The following SLC5A1 variants were observed in gnomAD, a reference collection of about 807,000 sequenced individuals.
The protein encoded by SLC5A1 is solute carrier family 5 member 1.
A neutral mutation model predicts 73.5 loss-of-function variants in SLC5A1; 42 were observed. The ratio of observed to expected loss-of-function variants is 0.57; its 90% CI spans 0.45 to 0.74. The LOEUF (loss-of-function observed/expected upper bound fraction) is 0.74, where lower values mean the gene tolerates loss of function less well. SLC5A1 is among the 30% of genes least tolerant of loss of function. The pLI, the probability that SLC5A1 is intolerant of heterozygous loss-of-function variation, is 0.00. For synonymous variants in SLC5A1, 300 were observed against 317.4 expected, an observed-to-expected ratio of 0.95 and a Z score of 0.58; for missense variants, 634 against 855.4, an observed-to-expected ratio of 0.74 and a Z score of 3.23.
At position 32,110,405 on chromosome 22, in the gene SLC5A1, G is replaced by C; in HGVS notation, c.*192G>C. The C allele has an allele frequency of 1.6e-6, 1 of 641,942 alleles. No individual in the cohort carries two copies. 39.8% of individuals were successfully genotyped at this position (641,942 alleles called of 1,614,324 possible). ...GTTAATTTATGCATTTGAAGCCAGTGTGATACAGCCATCTGTACCTACTGG... is the reference window on the plus strand; with the variant it reads ...GTTAATTTATGCATTTGAAGCCAGTCTGATACAGCCATCTGTACCTACTGG... On this transcript the variant is annotated 3_prime_UTR_variant, in exon 15 of 15. Coordinates refer to ENST00000266088, the MANE Select transcript of SLC5A1 (RefSeq NM_000343.4).
At chr22:32,088,125 A>G (rs922599424) in intron 10 of SLC5A1, among the ~76,000 whole-genome samples, 1 of 152,156 alleles carries the variant, frequency 6.6e-6, no homozygotes, top group African/African-American at 2.4e-5. Flanking sequence ...TCTTCTAGAA[A>G]AGTTCTGGCA....
At chr22:32,095,079 A>T (rs2094024120) in intron 11 of SLC5A1, among the ~76,000 whole-genome samples, 2 of 152,122 alleles carry the variant, frequency 1.3e-5, no homozygotes, top group South Asian at 4.1e-4. Context: ...TAAAATTTCC[A>T]TCTTGATTTC....
intron 13 of SLC5A1, among the ~76,000 whole-genome samples, chr22:32,103,004 G>C (rs1449579163): frequency 3.3e-5 from 5 of 152,040 alleles, no homozygotes; most frequent in African/African-American, 1.2e-4. Flanking sequence ...CCATATCTTG[G>C]CTACTGTGAA....
chr22:32,046,998 T>A (rs1333833265), intron 1 of SLC5A1, among the ~76,000 whole-genome samples: 1 of 152,192 alleles, frequency 6.6e-6, no homozygotes, highest in Non-Finnish European at 1.5e-5. Context: ...TTATGTGAAA[T>A]TAAAAATTTG....
intron 11 of SLC5A1, among the ~76,000 whole-genome samples, chr22:32,095,880 T>C (rs2094025476): frequency 6.6e-6 from 1 of 152,230 alleles, no homozygotes; most frequent in African/African-American, 2.4e-5. Flanking sequence ...TGAGGTACTA[T>C]TCCATTCATC....
rs117820069 is a variant in SLC5A1, at chr22:32,048,393, T to C, written c.136-1550T>C. ...ATCCCAAGGGATCTGTGGGAGGAGC[T>C]GGTCATCGTATATTGAAGATTCATG... On this transcript the variant is annotated intron_variant, in intron 1 of 14. Transcript: ENST00000266088. Among the ~76,000 whole-genome samples, 6 of 152,276 alleles carry C rather than the reference T, an allele frequency of 3.9e-5. No homozygotes were observed. The East Asian group carries it at 1.2e-3, about 29-fold the overall frequency.
At chr22:32,045,938 GGTTGTGAAA>G (rs1226873855) in intron 1 of SLC5A1, among the ~76,000 whole-genome samples, 3 of 152,114 alleles carry the variant, frequency 2.0e-5, no homozygotes, top group Non-Finnish European at 4.4e-5. Context: ...ACTTCTCAAG[GGTTGTGAAA>G]AAGAAATAAC....
chr22:32,059,138 G>A, intron 2 of SLC5A1: 34 of 985,428 alleles, frequency 3.5e-5, no homozygotes, highest in Non-Finnish European at 4.1e-5. Context: ...TTCCTCTTCT[G>A]AATTTCATGC....
At chr22:32,082,130 C>T (rs2094000995) in intron 6 of SLC5A1, among the ~76,000 whole-genome samples, 159 bp downstream of exon 6, 1 of 152,156 alleles carries the variant, frequency 6.6e-6, no homozygotes. Context: ...AACTCATAGA[C>T]CCTCCAAGTT....
chr22:32,079,627 C>T (rs1168790610), intron 5 of SLC5A1, among the ~76,000 whole-genome samples: 3 of 152,164 alleles, frequency 2.0e-5, no homozygotes, highest in Non-Finnish European at 4.4e-5. Context: ...AGTTTAAAGG[C>T]AGTGTCAGCT....
intron 14 of SLC5A1, among the ~76,000 whole-genome samples, chr22:32,108,429 G>T (rs1268913972): frequency 6.6e-6 from 1 of 152,098 alleles, no homozygotes; most frequent in Non-Finnish European, 1.5e-5. Context: ...GGCCCAGAAA[G>T]TCATGTATTT....
In SLC5A1 at chr22:32,044,413, G is replaced by A. The variant is rs571345284; in HGVS notation, c.135+997G>A. On this transcript the variant is annotated intron_variant, in intron 1 of 14. Coordinates refer to ENST00000266088, the MANE Select transcript of SLC5A1 (RefSeq NM_000343.4). The stretch of plus-strand genomic sequence containing the variant: ...AGGTGATAAGCCCAGGGAGGCTGCT[G>A]TAGCAGCTGGTGATTGTGTTGAACT... Among the ~76,000 whole-genome samples, 4 of 152,322 alleles carry A rather than the reference G, an allele frequency of 2.6e-5. No homozygotes were observed. The East Asian group carries it at 5.8e-4, about 22-fold the overall frequency.
chr22:32,104,793 G>A lies in SLC5A1; in HGVS notation c.1673G>A (p.Arg558His), dbSNP rs201799893. 2.9e-5 allele frequency: 47 copies of A among 1,613,610 alleles called. No homozygotes were observed. Among genetic ancestry groups the A allele is most frequent in the Admixed American group, 1.3e-4 (8 of 59,958 alleles). ...GTTCTGCCTTCTCTGCAGCTCTACC[G>A]TCTGTGTTGGAGCCTGCGCAACAGC... ...TKPIPDVHLY[R>H]LCWSLRNSKE... The change falls in exon 14 of 15, where the codon CGT (arginine) becomes CAT (histidine). Residue 558 changes from arginine (R) to histidine (H), a missense_variant. Coordinates refer to ENST00000266088, the MANE Select transcript of SLC5A1 (RefSeq NM_000343.4).
At chr22:32,091,304 C>T (rs1260499906) in intron 10 of SLC5A1, among the ~76,000 whole-genome samples, 1 of 65,152 alleles carries the variant, frequency 1.5e-5, no homozygotes, top group African/African-American at 6.4e-5. Flanking sequence ...CACAAACACA[C>T]ACACACACAC....
chr22:32,068,444 TG>T, intron 4 of SLC5A1, 51 bp from the exon 5 acceptor site: 1 of 1,071,642 alleles, frequency 9.3e-7, no homozygotes, highest in Non-Finnish European at 1.5e-6. Flanking sequence ...CTGTCTGCTC[TG>T]GGCCCTCTGG....
intron 3 of SLC5A1, 130 bp from the exon 4 acceptor site, chr22:32,067,837 G>A (rs2093976378): frequency 1.1e-6 from 1 of 925,634 alleles, no homozygotes; most frequent in Non-Finnish European, 1.8e-6. Context: ...AAGGCCTCCT[G>A]CAGTCTCTAA....
At chr22:32,109,631 T>G (rs1200376760) in intron 14 of SLC5A1, among the ~76,000 whole-genome samples, 1 of 152,192 alleles carries the variant, frequency 6.6e-6, no homozygotes, top group Non-Finnish European at 1.5e-5. Context: ...AGAGTTGAGT[T>G]TTCCTTCCTA....
rs765200099 is a variant in SLC5A1 at position 32,068,472 on chromosome 22, T to C, written c.373-24T>C. On this transcript the variant is annotated intron_variant, in intron 4 of 14. Transcript: ENST00000266088. Reference sequence around the variant, plus strand: ...GCCCTCTGGTCACTGTGGCTGGCAGTGACCTCCCTCGCACCCCATGCAGGT... The same window carrying C: ...GCCCTCTGGTCACTGTGGCTGGCAGCGACCTCCCTCGCACCCCATGCAGGT... 2.6e-6 allele frequency: 4 copies of C among 1,512,398 alleles called. No individual in the cohort carries two copies. In the East Asian group the frequency reaches 6.8e-5, roughly 26 times the overall value. The allele number at this position is 1,512,398 out of a possible 1,614,324, so 93.7% of individuals were successfully genotyped here.
chr22:32,091,341 A>C (rs112569097), intron 10 of SLC5A1, among the ~76,000 whole-genome samples: 65 of 128,254 alleles, frequency 5.1e-4, no homozygotes, highest in South Asian at 1.3e-3. Context: ...ACACACACAC[A>C]CCCCACCACC....
Sources: allele counts gnomAD v4.1 joint callset (sites outside exome capture counted in the v4.1 genomes callset), GRCh38; gene constraint gnomAD v4.1.1; transcripts MANE v1.5; gene names NCBI Gene and HGNC (gene_info 2026-07-23, HGNC 2026-07-21).